The following MARCO variants were observed in gnomAD, a reference collection of about 807,000 sequenced individuals.
MARCO encodes the protein macrophage receptor MARCO.
MARCO carries 72 observed loss-of-function variants against 70.0 expected under a neutral mutation model. The observed-to-expected ratio is 1.03, with a 90% CI of 0.85 to 1.25. The LOEUF (loss-of-function observed/expected upper bound fraction) is 1.25, where lower values mean the gene tolerates loss of function less well. Ranked by LOEUF, MARCO falls within the 50% of genes most tolerant of loss-of-function variation. The pLI is 0.00. For missense variants in MARCO, 696 were observed against 659.3 expected (o/e 1.06, Z -0.61); for synonymous variants, 273 against 243.1 (o/e 1.12, Z -1.14).
intron 12 of MARCO, among the ~76,000 whole-genome samples, chr2:118,986,724 AAGAAAGAAAGAAAG>A (rs1335518324): frequency 7.2e-6 from 1 of 139,834 alleles, no homozygotes; most frequent in Non-Finnish European, 1.5e-5. Flanking sequence ...AAAGAAAGAA[AAGAAAGAAAGAAAG>A]AGAAAGAAAG....
Position 118,971,530 on chromosome 2 carries a change from C to T in MARCO, c.456C>T (p.Ala152=). The change falls in exon 4 of 17, where the codon GCC becomes GCT. Residue 152 remains alanine, a synonymous_variant. Transcript: ENST00000327097. The part of the protein sequence containing the change: ...GMFRIKGEQG[A]PGLQGHKGAM... The stretch of plus-strand genomic sequence containing the variant: ...TCAGAATCAAAGGTGAACAAGGCGC[C>T]CCAGGTAGGTTCATTTCCACTCACA... 1 of 1,613,954 alleles carries T rather than the reference C, an allele frequency of 6.2e-7. No individual in the cohort carries two copies. Among genetic ancestry groups the T allele is most frequent in the Non-Finnish European group, 8.5e-7 (1 of 1,179,890 alleles).
chr2:118,978,521 C>T (rs1680330322), intron 8 of MARCO, among the ~76,000 whole-genome samples: 1 of 152,204 alleles, frequency 6.6e-6, no homozygotes, highest in Non-Finnish European at 1.5e-5. Flanking sequence ...ACGCTCTCCG[C>T]CTCTCAGCCT....
chr2:118,977,844 A>G lies in MARCO; in HGVS notation c.675A>G (p.Gln225=), dbSNP rs763853629. 19 of 1,612,456 alleles carry G rather than the reference A, an allele frequency of 1.2e-5. No individual in the cohort carries two copies. Among genetic ancestry groups the G allele is most frequent in the Non-Finnish European group, 1.5e-5 (18 of 1,179,434 alleles). ...TCTTTGCAGGCACCCCAGGACCCCA[A>G]GGAGAGAAGGGCAGCAAAGGCGATG... ...KQGATGTPGP[Q]GEKGSKGDGG... is the part of the protein sequence containing the mutation. The change falls in exon 8 of 17, where the codon CAA becomes CAG. Residue 225 remains glutamine (Q), a synonymous_variant. Coordinates refer to ENST00000327097, the MANE Select transcript of MARCO (RefSeq NM_006770.4).
At chr2:118,976,413 A>G (rs1252535068) in intron 6 of MARCO, among the ~76,000 whole-genome samples, 1 of 151,922 alleles carries the variant, frequency 6.6e-6, no homozygotes, top group Non-Finnish European at 1.5e-5. Context: ...GCCTCTCTAT[A>G]TACACCCACC....
intron 15 of MARCO, 178 bp from the exon 16 acceptor site, chr2:118,992,946 G>A (rs1048961755): frequency 3.3e-6 from 2 of 605,004 alleles, no homozygotes; most frequent in East Asian, 2.8e-5. Flanking sequence ...GTGCATGGAG[G>A]CTGCGTGCCA....
intron 6 of MARCO, among the ~76,000 whole-genome samples, chr2:118,976,832 C>T (rs1371999489): frequency 5.3e-5 from 8 of 152,188 alleles, no homozygotes; most frequent in Admixed American, 4.6e-4. Context: ...GGACATATTC[C>T]TAGGTGCTGT....
chr2:118,943,907 T>G (rs922925210), intron 1 of MARCO, among the ~76,000 whole-genome samples: 1 of 152,150 alleles, frequency 6.6e-6, no homozygotes, highest in African/African-American at 2.4e-5. Flanking sequence ...GAGGTTGCTC[T>G]TTGTCCTACA....
At chr2:118,964,849 G>A (rs1251008528) in intron 1 of MARCO, among the ~76,000 whole-genome samples, 2 of 147,908 alleles carry the variant, frequency 1.4e-5, no homozygotes, top group Non-Finnish European at 3.0e-5. Context: ...GATCATGCCA[G>A]TACACTCCAG....
chr2:118,956,422 C>T (rs1454266198), intron 1 of MARCO, among the ~76,000 whole-genome samples: 2 of 144,088 alleles, frequency 1.4e-5, no homozygotes, highest in East Asian at 4.1e-4. Context: ...TGGTAAAAGT[C>T]CTTGTCCAAC....
intron 12 of MARCO, among the ~76,000 whole-genome samples, chr2:118,986,334 A>C (rs1680482100): frequency 1.4e-5 from 2 of 147,386 alleles, no homozygotes; most frequent in African/African-American, 2.7e-5. Context: ...GCAAGACAGC[A>C]ATGTCCCCCT....
chr2:118,954,326 C>T (rs2104554858), intron 1 of MARCO, among the ~76,000 whole-genome samples: 1 of 152,254 alleles, frequency 6.6e-6, no homozygotes, highest in South Asian at 2.1e-4. Flanking sequence ...ACCTGCATGA[C>T]TCAGCAGAGG....
chr2:118,970,137 C>G lies in MARCO; in HGVS notation c.223C>G (p.Arg75Gly). ...VQVLNLQARL[R>G]VLEMYFLNDT... ...AGTTCTGAATCTGCAGGCGCGGCTC[C>G]GGGTCCTGGAGATGTATTTCCTCAA... is the stretch of plus-strand genomic sequence containing the variant. Residue 75 changes from arginine (R) to glycine (G), a missense_variant, in exon 3 of 17, where the codon CGG becomes GGG. Arg to Gly is a moderately radical substitution (Grantham distance 125). Coordinates refer to ENST00000327097, the MANE Select transcript of MARCO (RefSeq NM_006770.4). 6.2e-7 allele frequency: 1 copy of G among 1,614,068 alleles called. No homozygotes were observed. Among genetic ancestry groups the G allele is most frequent in the South Asian group, 1.1e-5 (1 of 91,064 alleles).
At chr2:118,992,090 G>A (rs1680633531) in intron 14 of MARCO, among the ~76,000 whole-genome samples, 1 of 152,182 alleles carries the variant, frequency 6.6e-6, no homozygotes, top group Non-Finnish European at 1.5e-5. Flanking sequence ...TAGCATCCAA[G>A]GCAGGGGCGT....
At chr2:118,966,424 G>C (rs1015680629) in intron 1 of MARCO, among the ~76,000 whole-genome samples, 5 of 152,096 alleles carry the variant, frequency 3.3e-5, no homozygotes, top group African/African-American at 1.2e-4. Flanking sequence ...TACCCTCTAA[G>C]AGATGAAATG....
intron 12 of MARCO, among the ~76,000 whole-genome samples, chr2:118,985,744 A>G (rs996229139): frequency 2.6e-5 from 4 of 152,226 alleles, no homozygotes; most frequent in Admixed American, 2.0e-4. Context: ...TGTAATCATG[A>G]CATTTCTCTT....
chr2:118,949,983 G>T (rs1230317651), intron 1 of MARCO: 1 of 152,202 alleles, frequency 6.6e-6, no homozygotes, highest in Non-Finnish European at 1.5e-5. Context: ...CTAAGAAATT[G>T]ATCTTTTGTT....
chr2:118,962,306 G>A (rs1411819601), intron 1 of MARCO, among the ~76,000 whole-genome samples: 1 of 152,098 alleles, frequency 6.6e-6, no homozygotes, highest in Non-Finnish European at 1.5e-5. Flanking sequence ...AATTACTTTG[G>A]GCAGTATGGT....
intron 8 of MARCO, among the ~76,000 whole-genome samples, chr2:118,980,687 C>T (rs553893030): frequency 1.5e-4 from 23 of 152,278 alleles, no homozygotes; most frequent in Middle Eastern, 3.4e-3. Flanking sequence ...GAGTTGAGCA[C>T]GGACACCCAG....
At chr2:118,986,654 A>AAAGAAAGG (rs1680501250) in intron 12 of MARCO, among the ~76,000 whole-genome samples, 1 of 40,264 alleles carries the variant, frequency 2.5e-5, no homozygotes, top group African/African-American at 1.5e-4. Flanking sequence ...AGAAAGAAAG[A>AAAGAAAGG]AGGAAGGAAG....
Sources: allele counts gnomAD v4.1 joint callset (sites outside exome capture counted in the v4.1 genomes callset), GRCh38; gene constraint gnomAD v4.1.1; transcripts MANE v1.5; gene names NCBI Gene and HGNC (gene_info 2026-07-23, HGNC 2026-07-21).